Variants in CDC20B observed in about 807,000 individuals in gnomAD.
CDC20B encodes cell division cycle protein 20 homolog B.
In CDC20B, 58 loss-of-function variants were observed where a neutral mutation model predicts 64.1. That is an observed-to-expected ratio of 0.90 (90% CI 0.73 to 1.13). The LOEUF is 1.13. Among genes scored for constraint, CDC20B ranks in the 50% most tolerant of loss-of-function variants. The pLI is 0.00. For missense variants in CDC20B, 597 were observed against 633.0 expected (o/e 0.94, Z 0.61); for synonymous variants, 243 against 230.6 (o/e 1.05, Z -0.49).
chr5:55,151,660 T>G (rs893292612), intron 2 of CDC20B, among the ~76,000 whole-genome samples: 1 of 152,184 alleles, frequency 6.6e-6, no homozygotes, highest in African/African-American at 2.4e-5. Flanking sequence ...TGAGTTTCTG[T>G]GATTCGTCTA....
intron 2 of CDC20B, among the ~76,000 whole-genome samples, chr5:55,163,070 C>T (rs144888812): frequency 0.012 from 1,806 of 152,076 alleles, 13 homozygotes; most frequent in Non-Finnish European, 0.017. Flanking sequence ...ATTTGAAGCA[C>T]GGAGCGTACA....
At chr5:55,170,562 T>A (rs1439246338) in intron 2 of CDC20B, 1 of 534,830 alleles carries the variant, frequency 1.9e-6, no homozygotes, top group East Asian at 5.4e-5. Flanking sequence ...AGTTGCATGT[T>A]AGCCGATGCC....
At chr5:55,171,625 C>G (rs970883107) in intron 2 of CDC20B, among the ~76,000 whole-genome samples, 3 of 151,742 alleles carry the variant, frequency 2.0e-5, no homozygotes, top group Non-Finnish European at 4.4e-5. Context: ...TTTTAAGAGG[C>G]AGGGTCTGGC....
intron 5 of CDC20B, chr5:55,137,565 G>A (rs336081): frequency 0.61 from 279,083 of 456,418 alleles, 86,313 homozygotes; most frequent in Admixed American, 0.72. Context: ...GTATTCAGAG[G>A]GCCTCTCAAT....
chr5:55,131,574 G>A (rs1743029373), intron 6 of CDC20B, among the ~76,000 whole-genome samples: 1 of 152,196 alleles, frequency 6.6e-6, no homozygotes, highest in South Asian at 2.1e-4. Flanking sequence ...AGTTGTTAGG[G>A]TTCGGTATGA....
chr5:55,133,644 A>G, intron 5 of CDC20B, 116 bp from the exon 6 acceptor site: 1 of 484,932 alleles, frequency 2.1e-6, no homozygotes, highest in East Asian at 3.1e-5. Flanking sequence ...GAAAATAAGT[A>G]GTCATCATGA....
intron 3 of CDC20B, among the ~76,000 whole-genome samples, chr5:55,144,055 T>C (rs1007449099): frequency 3.3e-5 from 5 of 151,608 alleles, no homozygotes; most frequent in Admixed American, 3.3e-4. Flanking sequence ...AGTTCCATAG[T>C]TTTAAATGAT....
chr5:55,172,134 T>C (rs1183126975), intron 2 of CDC20B: 1 of 160,830 alleles, frequency 6.2e-6, no homozygotes, highest in African/African-American at 2.4e-5. Flanking sequence ...ACCTTTGGGT[T>C]TGGTCTTTCA....
intron 3 of CDC20B, 53 bp from the exon 4 acceptor site, chr5:55,143,696 T>G (rs1265008267): frequency 6.6e-7 from 1 of 1,519,080 alleles, no homozygotes; most frequent in Non-Finnish European, 8.9e-7. Context: ...AGATAATCAC[T>G]TTGATTGTAG....
In CDC20B at chr5:55,127,347, C is replaced by T; in HGVS notation, c.899G>A (p.Trp300Ter). The change falls in exon 8 of 12, where the codon TGG becomes TAG. Residue 300 changes from tryptophan (W) to a stop codon, truncating the protein, a stop_gained. Coordinates refer to ENST00000381375, the MANE Select transcript of CDC20B (RefSeq NM_001170402.1). LOFTEE classifies it high-confidence loss of function. ...VGTSEGEVQLWDVVTKKRLRN... is the reference protein window; with the variant it reads ...VGTSEGEVQL ...CAGCCGCTTTTTAGTTACCACATCC[C>T]ATAACTGAAAAAATGAACAAGGAGA... 6 of 1,613,364 alleles carry T rather than the reference C, an allele frequency of 3.7e-6. No individual in the cohort carries two copies. Among genetic ancestry groups the T allele is most frequent in the Non-Finnish European group, 5.1e-6 (6 of 1,179,376 alleles).
At chr5:55,140,474 T>C (rs1743301046) in intron 4 of CDC20B, 67 bp from the exon 5 acceptor site, 4 of 1,055,134 alleles carry the variant, frequency 3.8e-6, no homozygotes, top group Non-Finnish European at 5.7e-6. Flanking sequence ...AAATGTAATG[T>C]ATAATATAGA....
intron 2 of CDC20B, among the ~76,000 whole-genome samples, chr5:55,149,365 C>G (rs1023174695): frequency 1.3e-5 from 2 of 152,188 alleles, no homozygotes; most frequent in Non-Finnish European, 2.9e-5. Context: ...CAAGTCCACT[C>G]ATAGGTATAT....
In CDC20B at chr5:55,125,583, AAT is replaced by A. The variant is rs150018562; in HGVS notation, c.990-557_990-556del. Among the ~76,000 whole-genome samples, 408 of 152,380 alleles carry A rather than the reference AAT, an allele frequency of 2.7e-3. 1 individual carries two copies. Among genetic ancestry groups the A allele is most frequent in the African/African-American group, 9.5e-3 (397 of 41,588 alleles). ...CCAATTGAATGTCACAGCAAACTGC[AAT>A]ATGATTCCTAAGCAGTGGATAATGT... On this transcript the variant is annotated intron_variant, in intron 8 of 11. Transcript: ENST00000381375.
intron 11 of CDC20B, among the ~76,000 whole-genome samples, chr5:55,118,504 C>A (rs1742674580): frequency 6.6e-6 from 1 of 152,174 alleles, no homozygotes; most frequent in Non-Finnish European, 1.5e-5. Context: ...TAAGCATCAG[C>A]AAATTGATTT....
chr5:55,146,708 T>C lies in CDC20B; in HGVS notation c.275A>G (p.Glu92Gly). 1 of 1,614,158 alleles carries C rather than the reference T, an allele frequency of 6.2e-7. No homozygotes were observed. Among genetic ancestry groups the C allele is most frequent in the East Asian group, 2.2e-5 (1 of 44,886 alleles). The change falls in exon 3 of 12, where the codon GAA (glutamate) becomes GGA (glycine). Residue 92 changes from glutamate (E) to glycine (G), a missense_variant. Physicochemically the swap from Glu to Gly is moderately conservative, Grantham distance 98. This residue lies in a region of CDC20B where 241 missense variants were observed against 219.2 expected (regional missense o/e 1.10). Coordinates refer to ENST00000381375, the MANE Select transcript of CDC20B (RefSeq NM_001170402.1). Reference protein sequence around the residue: ...TRALSSDSFGEEQSTTYLPEA... With the variant: ...TRALSSDSFGGEQSTTYLPEA... ...TGGGAGGTAGGTGGTTGACTGCTCT[T>C]CCCCAAAGGAATCAGAGGACAGAGC...
intron 2 of CDC20B, chr5:55,166,692 A>C (rs1477997184): frequency 1.3e-5 from 2 of 152,268 alleles, no homozygotes; most frequent in Non-Finnish European, 2.9e-5. Context: ...TCTGGGACAC[A>C]GAGTGCTACA....
At chr5:55,137,325 T>C in intron 5 of CDC20B, 1 of 327,536 alleles carries the variant, frequency 3.1e-6, no homozygotes, top group Non-Finnish European at 6.0e-6. Context: ...CATCCAAAGT[T>C]TCCTACCAGC....
At chr5:55,147,445 T>C (rs1377423247) in intron 2 of CDC20B, among the ~76,000 whole-genome samples, 1 of 146,308 alleles carries the variant, frequency 6.8e-6, no homozygotes, top group Non-Finnish European at 1.5e-5. Flanking sequence ...GATATTTATA[T>C]ACAAAAGTTA....
intron 2 of CDC20B, chr5:55,164,095 T>C (rs1744244757): frequency 6.2e-7 from 1 of 1,601,068 alleles, no homozygotes; most frequent in Non-Finnish European, 8.5e-7. Flanking sequence ...TTTGGAAGTA[T>C]CTTGTCAACC....
Sources: gnomAD v4.1 joint callset for allele counts (sites outside exome capture counted in the v4.1 genomes callset) on GRCh38, gnomAD v4.1.1 for gene constraint, gnomAD v4.1.1 regional missense constraint, MANE v1.5 for transcripts, NCBI Gene and HGNC (gene_info 2026-07-23, HGNC 2026-07-21) for gene names.